HMCN1: variants seen among roughly 807,000 people sequenced by gnomAD.
HMCN1 encodes hemicentin-1.
In HMCN1, 321 loss-of-function variants were observed where a neutral mutation model predicts 625.9. That is an observed-to-expected ratio of 0.51 (90% CI 0.47 to 0.56). HMCN1 has a LOEUF of 0.56. Among genes scored for constraint, HMCN1 ranks in the 20% least tolerant of loss-of-function variants. HMCN1 has a pLI of 0.00. For missense variants in HMCN1, 6,588 were observed against 6,887.3 expected (o/e 0.96, Z 1.54); for synonymous variants, 2,425 against 2,417.6 (o/e 1.00, Z -0.09).
At chr1:185,893,176 C>T (rs1440892308) in intron 4 of HMCN1, among the ~76,000 whole-genome samples, 8 of 152,228 alleles carry the variant, frequency 5.3e-5, no homozygotes, top group Admixed American at 2.6e-4. Context: ...GGCTCACGCA[C>T]GGTGCCTGCA....
chr1:185,961,870 G>A (rs917707452), intron 11 of HMCN1, among the ~76,000 whole-genome samples: 4 of 152,094 alleles, frequency 2.6e-5, no homozygotes, highest in African/African-American at 7.2e-5. Context: ...GACCAGTGTA[G>A]CAGGATCTTG....
intron 30 of HMCN1, among the ~76,000 whole-genome samples, chr1:186,008,931 CAAAG>C (rs1653812431): frequency 6.6e-6 from 1 of 151,982 alleles, no homozygotes; most frequent in Non-Finnish European, 1.5e-5. Context: ...TTTCTTGAAT[CAAAG>C]AAATTATATT....
intron 4 of HMCN1, among the ~76,000 whole-genome samples, chr1:185,892,892 G>T (rs375713818): frequency 3.3e-5 from 5 of 152,164 alleles, no homozygotes; most frequent in Non-Finnish European, 5.9e-5. Flanking sequence ...GGTCAATGGC[G>T]GGCGCCCCTC....
In HMCN1 at chr1:186,082,866, T is replaced by C. The variant is rs114135070; in HGVS notation, c.8789T>C (p.Ile2930Thr). 1,276 of 1,567,636 alleles carry C rather than the reference T, an allele frequency of 8.1e-4. 11 individuals carry two copies. The African/African-American group carries it at 0.016, about 20-fold the overall frequency. ...KFLSNGRILQ[I>T]LNTQITDIGR... The stretch of plus-strand genomic sequence containing the variant: ...GGAATTTCTTCATTTTTCCCTTAGA[T>C]TCTGAATACTCAAATAACAGATATC... Residue 2930 changes from isoleucine to threonine, a missense_variant and splice_region_variant, in exon 57 of 107, where the codon ATT (isoleucine) becomes ACT (threonine). This residue lies in a region of HMCN1 where 4,628 missense variants were observed against 4,853.1 expected (regional missense o/e 0.95). Coordinates refer to ENST00000271588, the MANE Select transcript of HMCN1 (RefSeq NM_031935.3).
At position 185,909,485 on chromosome 1, in the gene HMCN1, T is replaced by A; in HGVS notation, c.770T>A (p.Met257Lys). The A allele has an allele frequency of 6.2e-7, 1 of 1,613,518 alleles. No homozygotes were observed. The highest frequency in any genetic ancestry group is 8.5e-7 in the Non-Finnish European group (1 of 1,179,590). The change falls in exon 5 of 107, where the codon ATG becomes AAG. Residue 257 changes from methionine to lysine, a missense_variant. Around this residue, in one of 3 missense-constraint regions of HMCN1, gnomAD observed 4,628 missense variants for 4,853.1 expected, o/e 0.95. Transcript: ENST00000271588. ...VTVSLSGPSP[M>K]IEIRNPLGKL... is the part of the protein sequence containing the mutation. ...GTGTCTTTGAGTGGGCCTTCTCCAA[T>A]GATTGAAATTCGCAATCCTTTAGGT...
intron 4 of HMCN1, among the ~76,000 whole-genome samples, chr1:185,903,782 G>A (rs1393214890): frequency 6.6e-6 from 1 of 151,698 alleles, no homozygotes; most frequent in Admixed American, 6.6e-5. Context: ...CAAACTTAGA[G>A]GAGTGCTGTA....
At chr1:186,177,912 A>G (rs1652700641) in intron 103 of HMCN1, among the ~76,000 whole-genome samples, 1 of 152,164 alleles carries the variant, frequency 6.6e-6, no homozygotes, top group Non-Finnish European at 1.5e-5. Flanking sequence ...GAAGATACAC[A>G]AATTTTAACA....
At chr1:185,983,381 G>A (rs989181832) in intron 18 of HMCN1, among the ~76,000 whole-genome samples, 1 of 151,898 alleles carries the variant, frequency 6.6e-6, no homozygotes, top group Non-Finnish European at 1.5e-5. Context: ...AGCCGAGATC[G>A]TGCCACTGCA....
intron 11 of HMCN1, among the ~76,000 whole-genome samples, chr1:185,957,559 G>A (rs1239498169): frequency 6.6e-6 from 1 of 152,132 alleles, no homozygotes; most frequent in Non-Finnish European, 1.5e-5. Context: ...GGATTTTTGA[G>A]GCTGGAGATC....
At chr1:185,798,744 A>G (rs1308361868) in intron 1 of HMCN1, among the ~76,000 whole-genome samples, 1 of 151,932 alleles carries the variant, frequency 6.6e-6, no homozygotes, top group African/African-American at 2.4e-5. Context: ...AAATATATCT[A>G]TCTATCTCAT....
intron 22 of HMCN1, among the ~76,000 whole-genome samples, chr1:185,992,070 T>A (rs1419267270): frequency 6.6e-6 from 1 of 152,212 alleles, no homozygotes; most frequent in Non-Finnish European, 1.5e-5. Context: ...CCATTTGTGG[T>A]ATTGGTGAAT....
intron 11 of HMCN1, among the ~76,000 whole-genome samples, chr1:185,949,274 C>G (rs1287418301): frequency 6.6e-6 from 1 of 151,728 alleles, no homozygotes; most frequent in East Asian, 1.9e-4. Context: ...ATGAGTATGA[C>G]TAGACAGAAG....
intron 3 of HMCN1, 151 bp from the exon 4 acceptor site, chr1:185,865,589 AC>A: frequency 3.6e-5 from 9 of 253,104 alleles, no homozygotes; most frequent in African/African-American, 2.1e-4. Flanking sequence ...GCATACACAC[AC>A]ACACACACAC....
chr1:186,073,418 G>C (rs546617143), intron 52 of HMCN1, among the ~76,000 whole-genome samples: 1 of 152,288 alleles, frequency 6.6e-6, no homozygotes, highest in East Asian at 1.9e-4. Context: ...ATATTTTTAA[G>C]TCATTTGGCA....
chr1:185,963,922 T>C, intron 13 of HMCN1, 27 bp downstream of exon 13: 1 of 1,594,616 alleles, frequency 6.3e-7, no homozygotes, highest in South Asian at 1.1e-5. Context: ...TAAAAGGCAA[T>C]TAAAATAGGA....
At chr1:186,160,066 T>C (rs1313562665) in intron 97 of HMCN1, among the ~76,000 whole-genome samples, 2 of 151,592 alleles carry the variant, frequency 1.3e-5, no homozygotes, top group African/African-American at 4.9e-5. Flanking sequence ...TCTTTTTGGT[T>C]GGTAAGCTAT....
intron 4 of HMCN1, among the ~76,000 whole-genome samples, chr1:185,876,758 CT>C (rs1397156580): frequency 6.6e-6 from 1 of 151,566 alleles, no homozygotes; most frequent in African/African-American, 2.4e-5. Context: ...AATGTGCCCA[CT>C]TTTTTTTCTT....
rs1023095398 is a variant in HMCN1, at chr1:185,994,760, G to A, written c.3506-55G>A. 39 of 1,551,814 alleles carry A rather than the reference G, an allele frequency of 2.5e-5. No individual in the cohort carries two copies. In the African/African-American group the frequency reaches 4.9e-4, roughly 19 times the overall value. On this transcript the variant is annotated intron_variant, in intron 23 of 106. Coordinates refer to ENST00000271588, the MANE Select transcript of HMCN1 (RefSeq NM_031935.3). ...GATAAGGAGCTCTCGTTTAAAGTGA[G>A]TAAAGAAAGGAATTTGTGAAAGTTG...
chr1:185,845,924 A>C (rs1661783376), intron 1 of HMCN1, 102 bp from the exon 2 acceptor site: 6 of 739,546 alleles, frequency 8.1e-6, no homozygotes, highest in Admixed American at 5.9e-5. Flanking sequence ...CTTATTAATA[A>C]GTAACCATGT....
Sources: gnomAD v4.1 joint callset for allele counts (sites outside exome capture counted in the v4.1 genomes callset) on GRCh38, gnomAD v4.1.1 for gene constraint, gnomAD v4.1.1 regional missense constraint, MANE v1.5 for transcripts, NCBI Gene and HGNC (gene_info 2026-07-23, HGNC 2026-07-21) for gene names.